BAZ1B: variants seen among roughly 807,000 people sequenced by gnomAD.
BAZ1B encodes bromodomain adjacent to zinc finger domain 1B.
In BAZ1B, 22 loss-of-function variants were observed where a neutral mutation model predicts 153.8. The ratio of observed to expected loss-of-function variants is 0.14; its 90% confidence interval spans 0.10 to 0.20. BAZ1B has a LOEUF of 0.20. BAZ1B is among the 10% of genes least tolerant of loss of function. The probability of loss-of-function intolerance (pLI) is 1.00; values close to 1 mark genes in which losing one functional copy is unlikely to be tolerated. For synonymous variants in BAZ1B, 676 were observed against 633.4 expected, an observed-to-expected ratio of 1.07 and a Z score of -1.01; for missense variants, 1,325 against 1,799.3, an observed-to-expected ratio of 0.74 and a Z score of 4.77.
chr7:73,497,011 T>C (rs1241622310), intron 4 of BAZ1B, among the ~76,000 whole-genome samples: 1 of 144,134 alleles, frequency 6.9e-6, no homozygotes, highest in Non-Finnish European at 1.5e-5. Context: ...GGAGGATCGC[T>C]TGAACTCACG....
intron 15 of BAZ1B, 126 bp downstream of exon 15, chr7:73,449,416 C>T (rs1431464838): frequency 8.7e-7 from 1 of 1,154,926 alleles, no homozygotes; most frequent in Non-Finnish European, 1.2e-6. Flanking sequence ...TGTAAATGAT[C>T]AGGCTCTGTA....
chr7:73,509,178 C>T (rs140532486), intron 2 of BAZ1B, among the ~76,000 whole-genome samples: 1,902 of 151,608 alleles, frequency 0.013, 41 homozygotes, highest in African/African-American at 0.044. Flanking sequence ...AAGAATTAGC[C>T]GGGCGTGGTG....
intron 7 of BAZ1B, among the ~76,000 whole-genome samples, chr7:73,476,643 C>T (rs536430392): frequency 1.3e-5 from 2 of 152,268 alleles, no homozygotes; most frequent in African/African-American, 4.8e-5. Context: ...AAGATGCCAA[C>T]ATCACATTAA....
intron 2 of BAZ1B, 21 bp downstream of exon 2, chr7:73,510,715 A>G: frequency 1.3e-6 from 2 of 1,594,798 alleles, no homozygotes; most frequent in South Asian, 1.1e-5. Context: ...GGTGGCAAAG[A>G]GCAATACTTC....
chr7:73,471,418 A>C (rs540089235), intron 7 of BAZ1B, among the ~76,000 whole-genome samples: 1 of 152,376 alleles, frequency 6.6e-6, no homozygotes, highest in African/African-American at 2.4e-5. Flanking sequence ...CAACAAAAGC[A>C]GCCCGCTAAT....
intron 6 of BAZ1B, among the ~76,000 whole-genome samples, chr7:73,484,801 T>G (rs1789341818): frequency 6.6e-6 from 1 of 152,118 alleles, no homozygotes; most frequent in South Asian, 2.1e-4. Context: ...TCAAAGAGCA[T>G]TCTACAAAAT....
At chr7:73,504,658 T>A (rs1554577544) in intron 3 of BAZ1B, among the ~76,000 whole-genome samples, 2 of 151,706 alleles carry the variant, frequency 1.3e-5, no homozygotes, top group African/African-American at 4.8e-5. Flanking sequence ...AGCGAGACTC[T>A]GTCTCAAAAG....
chr7:73,494,171 C>G (rs1193312991), intron 4 of BAZ1B, among the ~76,000 whole-genome samples: 1 of 151,950 alleles, frequency 6.6e-6, no homozygotes, highest in Admixed American at 6.6e-5. Context: ...CACTTGAGCT[C>G]AAGAATTCGA....
Position 73,478,086 on chromosome 7 carries a change from C to T in BAZ1B, c.1375G>A (p.Gly459Ser), listed in dbSNP as rs782592218. The change falls in exon 7 of 20, where the codon GGT becomes AGT. Residue 459 changes from glycine (G) to serine (S), a missense_variant. Physicochemically the swap from Gly to Ser is moderately conservative, Grantham distance 56 (BLOSUM62 0). This residue lies in a region of BAZ1B where 219 missense variants were observed against 248.2 expected (regional missense o/e 0.88). Transcript: ENST00000339594. ...KMTRAPRNSG[G>S]TPRTSSKPHK... ...GGTTTACTAGAGGTCCTAGGTGTAC[C>T]CCCAGAATTCCGTGGGGCTCGTGTC... The T allele has an allele frequency of 1.9e-6, 3 of 1,613,990 alleles. No individual in the cohort carries two copies. The highest frequency in any genetic ancestry group is 2.7e-5 in the African/African-American group (2 of 74,892).
At chr7:73,518,462 A>G (rs1366062799) in intron 1 of BAZ1B, among the ~76,000 whole-genome samples, 1 of 152,080 alleles carries the variant, frequency 6.6e-6, no homozygotes, top group African/African-American at 2.4e-5. Context: ...ATAAAAATCA[A>G]CGTAAGAGCT....
intron 3 of BAZ1B, among the ~76,000 whole-genome samples, chr7:73,504,389 C>T (rs1194338404): frequency 6.6e-6 from 1 of 152,030 alleles, no homozygotes; most frequent in African/African-American, 2.4e-5. Flanking sequence ...GGCGGCCAGG[C>T]GTGGTGGCTC....
At chr7:73,460,769 G>C (rs1454339094) in intron 12 of BAZ1B, among the ~76,000 whole-genome samples, 1 of 152,156 alleles carries the variant, frequency 6.6e-6, no homozygotes, top group Non-Finnish European at 1.5e-5. Flanking sequence ...ACATCTACCT[G>C]ATAGATGAGG....
intron 10 of BAZ1B, 79 bp from the exon 11 acceptor site, chr7:73,465,616 G>A: frequency 1.1e-6 from 1 of 872,096 alleles, no homozygotes; most frequent in Non-Finnish European, 1.8e-6. Context: ...GGGATCTAGA[G>A]TTGGTGGTGG....
chr7:73,455,852 G>A (rs960093393), intron 13 of BAZ1B, among the ~76,000 whole-genome samples: 4 of 152,072 alleles, frequency 2.6e-5, no homozygotes, highest in Admixed American at 2.6e-4. Context: ...GGGACGGAGG[G>A]GACAGATGTT....
chr7:73,493,631 A>G (rs1283280233), intron 4 of BAZ1B, among the ~76,000 whole-genome samples: 1 of 151,788 alleles, frequency 6.6e-6, no homozygotes, highest in African/African-American at 2.4e-5. Flanking sequence ...CCCTGAGTCC[A>G]GGAGTTCGAG....
chr7:73,486,261 G>A (rs1554574464), intron 6 of BAZ1B, among the ~76,000 whole-genome samples: 1 of 152,116 alleles, frequency 6.6e-6, no homozygotes, highest in African/African-American at 2.4e-5. Flanking sequence ...CAAAATTCCT[G>A]TATCTTTACA....
chr7:73,445,573 G>T (rs1451822035), intron 16 of BAZ1B, among the ~76,000 whole-genome samples: 1 of 152,080 alleles, frequency 6.6e-6, no homozygotes, highest in African/African-American at 2.4e-5. Context: ...CCATATTCAG[G>T]ATCTGCCCTC....
chr7:73,483,445 C>G (rs1322596836), intron 6 of BAZ1B, among the ~76,000 whole-genome samples: 2 of 152,186 alleles, frequency 1.3e-5, no homozygotes, highest in Admixed American at 6.5e-5. Context: ...GGACAACACT[C>G]AAATAGTGGG....
At chr7:73,459,913 G>A (rs907636734) in intron 12 of BAZ1B, among the ~76,000 whole-genome samples, 195 bp from the exon 13 acceptor site, 1 of 152,186 alleles carries the variant, frequency 6.6e-6, no homozygotes, top group Non-Finnish European at 1.5e-5. Context: ...GTACTTGACT[G>A]GCCGGGTGCA....
Sources: allele counts gnomAD v4.1 joint callset (sites outside exome capture counted in the v4.1 genomes callset), GRCh38; gene constraint gnomAD v4.1.1; regional missense constraint gnomAD v4.1.1; transcripts MANE v1.5; gene names NCBI Gene and HGNC (gene_info 2026-07-23, HGNC 2026-07-21).